Variants in SUPT3H observed in about 807,000 individuals in gnomAD.
SUPT3H encodes SPT3 homolog, SAGA and STAGA complex component.
A neutral mutation model predicts 44.3 loss-of-function variants in SUPT3H; 44 were observed. The observed-to-expected ratio is 0.99, with a 90% CI of 0.78 to 1.28. The LOEUF (loss-of-function observed/expected upper bound fraction) is 1.28, where lower values mean the gene tolerates loss of function less well. SUPT3H is among the 50% of genes most tolerant of loss of function. The pLI is 0.00. For missense variants in SUPT3H, 380 were observed against 387.1 expected, an observed-to-expected ratio of 0.98 and a Z score of 0.15; for synonymous variants, 124 against 125.6, an observed-to-expected ratio of 0.99 and a Z score of 0.09.
chr6:45,314,004 A>T (rs1291317384), intron 2 of SUPT3H, among the ~76,000 whole-genome samples: 1 of 152,224 alleles, frequency 6.6e-6, no homozygotes, highest in Non-Finnish European at 1.5e-5. Context: ...AAGTCAATAA[A>T]TATATTTCAC....
intron 1 of SUPT3H, among the ~76,000 whole-genome samples, chr6:45,373,148 C>T (rs542240997): frequency 1.5e-3 from 228 of 152,112 alleles, no homozygotes; most frequent in African/African-American, 5.3e-3. Context: ...GACCAGGTCT[C>T]ACTATATTGC....
At chr6:45,290,445 G>C (rs1390895538) in intron 2 of SUPT3H, among the ~76,000 whole-genome samples, 1 of 119,356 alleles carries the variant, frequency 8.4e-6, no homozygotes, top group African/African-American at 2.9e-5. Flanking sequence ...AAAGATCAGG[G>C]CATGGATGAT....
At chr6:45,140,856 G>C (rs1275232581) in intron 2 of SUPT3H, among the ~76,000 whole-genome samples, 1 of 152,162 alleles carries the variant, frequency 6.6e-6, no homozygotes, top group Non-Finnish European at 1.5e-5. Flanking sequence ...AAAAAGGGGA[G>C]AGCACAACAT....
At chr6:45,367,532 T>C (rs555743428) in intron 1 of SUPT3H, among the ~76,000 whole-genome samples, 90 of 152,078 alleles carry the variant, frequency 5.9e-4, no homozygotes, top group South Asian at 1.0e-3. Context: ...TCCTGCAGAA[T>C]TGGGACAAAA....
intron 2 of SUPT3H, among the ~76,000 whole-genome samples, chr6:45,334,068 A>G (rs73444674): frequency 0.17 from 25,963 of 151,158 alleles, 3,353 homozygotes; most frequent in African/African-American, 0.36. Flanking sequence ...TTATTTTGGC[A>G]AACAGTTTAA....
At chr6:44,842,378 T>C (rs1193283855) in intron 10 of SUPT3H, among the ~76,000 whole-genome samples, 2 of 152,128 alleles carry the variant, frequency 1.3e-5, no homozygotes, top group East Asian at 1.9e-4. Flanking sequence ...ATATTGGATT[T>C]AGAAATATAA....
intron 5 of SUPT3H, among the ~76,000 whole-genome samples, chr6:45,004,212 G>A (rs7763079): frequency 0.97 from 146,857 of 152,176 alleles, 70,895 homozygotes; most frequent in East Asian, 1. Flanking sequence ...TAACATTAAC[G>A]TTAGAAAATA....
chr6:45,180,080 A>T (rs1812841315), intron 2 of SUPT3H, among the ~76,000 whole-genome samples: 1 of 148,038 alleles, frequency 6.8e-6, no homozygotes, highest in Non-Finnish European at 1.5e-5. Flanking sequence ...ATAACAGACA[A>T]ACAGAGAGCC....
intron 3 of SUPT3H, among the ~76,000 whole-genome samples, chr6:45,040,294 T>C (rs1228199724): frequency 1.3e-5 from 2 of 152,144 alleles, no homozygotes; most frequent in Non-Finnish European, 2.9e-5. Context: ...TGGTCTACTG[T>C]AGTGTGGGGA....
chr6:44,867,154 C>CTT (rs1361754213), intron 10 of SUPT3H, among the ~76,000 whole-genome samples: 8 of 143,512 alleles, frequency 5.6e-5, no homozygotes, highest in Non-Finnish European at 7.7e-5. Context: ...GGAAGATACA[C>CTT]TTTTTTTTTT....
intron 5 of SUPT3H, among the ~76,000 whole-genome samples, chr6:45,010,731 G>C (rs1346721168): frequency 6.6e-6 from 1 of 152,004 alleles, no homozygotes; most frequent in East Asian, 1.9e-4. Flanking sequence ...TAATCATAAA[G>C]GTTCCATCCT....
At chr6:45,069,545 A>T (rs888219859) in intron 3 of SUPT3H, among the ~76,000 whole-genome samples, 3 of 152,194 alleles carry the variant, frequency 2.0e-5, no homozygotes, top group African/African-American at 7.2e-5. Context: ...AAATGTAAGT[A>T]TGATCCGTAT....
intron 2 of SUPT3H, among the ~76,000 whole-genome samples, chr6:45,109,595 T>C (rs1224713965): frequency 6.6e-6 from 1 of 152,188 alleles, no homozygotes; most frequent in Non-Finnish European, 1.5e-5. Flanking sequence ...GATGAGTATA[T>C]TATTTTAATT....
intron 2 of SUPT3H, among the ~76,000 whole-genome samples, chr6:45,169,713 G>A (rs1046419987): frequency 3.3e-5 from 5 of 152,114 alleles, no homozygotes; most frequent in African/African-American, 7.2e-5. Context: ...GATGAGCAAC[G>A]TTAATAAATC....
At chr6:45,282,374 TGC>T (rs1562864387) in intron 2 of SUPT3H, among the ~76,000 whole-genome samples, 11 of 151,944 alleles carry the variant, frequency 7.2e-5, no homozygotes, top group African/African-American at 2.7e-4. Flanking sequence ...GAATAACCAA[TGC>T]AGAGAAGTCC....
At chr6:45,345,148 A>G (rs1317515375) in intron 2 of SUPT3H, among the ~76,000 whole-genome samples, 1 of 152,214 alleles carries the variant, frequency 6.6e-6, no homozygotes, top group Admixed American at 6.5e-5. Flanking sequence ...ACAAGATGTC[A>G]GAATACTTAT....
chr6:45,105,405 A>C (rs1340091608), intron 3 of SUPT3H, among the ~76,000 whole-genome samples: 1 of 152,126 alleles, frequency 6.6e-6, no homozygotes, highest in Non-Finnish European at 1.5e-5. Context: ...GAGTCAGACA[A>C]ATTTTTTTTA....
chr6:45,016,281 G>A (rs1438420787), intron 4 of SUPT3H, among the ~76,000 whole-genome samples: 1 of 151,482 alleles, frequency 6.6e-6, no homozygotes, highest in African/African-American at 2.4e-5. Context: ...GTACATTTTT[G>A]AAAAACAGTT....
chr6:45,020,081 A>T lies in SUPT3H; in HGVS notation c.273+465T>A, dbSNP rs187835190. Among the ~76,000 whole-genome samples the T allele has an allele frequency of 3.7e-3, 570 of 152,074 alleles. 5 individuals carry two copies. Among genetic ancestry groups the T allele is most frequent in the African/African-American group, 0.013 (527 of 41,544 alleles). ...ATGGCATATGTTTATCCCACTGAAA[A>T]TTAATCTTTATTAATTTACTTTTTT... is the stretch of plus-strand genomic sequence containing the variant. On this transcript the variant is annotated intron_variant, in intron 4 of 10. Transcript: ENST00000371459.
Sources: gnomAD v4.1 joint callset for allele counts (sites outside exome capture counted in the v4.1 genomes callset) on GRCh38, gnomAD v4.1.1 for gene constraint, MANE v1.5 for transcripts, NCBI Gene and HGNC (gene_info 2026-07-23, HGNC 2026-07-21) for gene names.